GRIK4: variants seen among roughly 807,000 people sequenced by gnomAD.
GRIK4 encodes glutamate receptor ionotropic, kainate 4.
A neutral mutation model predicts 104.9 loss-of-function variants in GRIK4; 40 were observed. The ratio of observed to expected loss-of-function variants is 0.38; its 90% confidence interval spans 0.30 to 0.50. The LOEUF is 0.50. Among genes scored for constraint, GRIK4 ranks in the 20% least tolerant of loss-of-function variants. The pLI is 0.93. For missense variants in GRIK4, 1,047 were observed against 1,308.1 expected, an observed-to-expected ratio of 0.80 and a Z score of 3.08; for synonymous variants, 485 against 524.9, an observed-to-expected ratio of 0.92 and a Z score of 1.04.
intron 1 of GRIK4, chr11:120,620,383 C>T: frequency 1.8e-6 from 1 of 568,776 alleles, no homozygotes; most frequent in Non-Finnish European, 3.2e-6. Flanking sequence ...AGCCTAGTCC[C>T]CATGTACTGC....
chr11:120,882,441 C>G (rs896236886), intron 11 of GRIK4, among the ~76,000 whole-genome samples: 24 of 152,136 alleles, frequency 1.6e-4, no homozygotes, highest in African/African-American at 4.8e-4. Context: ...GAACAGACCT[C>G]CGTGGGCCAG....
Position 120,903,473 on chromosome 11 carries a change from A to C in GRIK4, c.1273-1817A>C, listed in dbSNP as rs182337644. On this transcript the variant is annotated intron_variant, in intron 12 of 20. Coordinates refer to ENST00000527524, the MANE Select transcript of GRIK4 (RefSeq NM_014619.5). The surrounding 1 kb of genome is among the most constrained non-coding windows in gnomAD (Gnocchi z 4.4). ...CCGCCCCACCCTGCCTCCACCCTGC[A>C]CTTCCTGGGCCCTTGCTCCACCAGC... is the stretch of plus-strand genomic sequence containing the variant. Among the ~76,000 whole-genome samples, 1 of 151,324 alleles carries C rather than the reference A, an allele frequency of 6.6e-6. No homozygotes were observed. Among genetic ancestry groups the C allele is most frequent in the African/African-American group, 2.4e-5 (1 of 41,184 alleles).
chr11:120,587,431 G>A (rs1948681617), intron 1 of GRIK4, among the ~76,000 whole-genome samples: 1 of 152,298 alleles, frequency 6.6e-6, no homozygotes, highest in South Asian at 2.1e-4. Context: ...GCCATTTATT[G>A]CATGTGTCAC....
chr11:120,957,071 A>C, intron 16 of GRIK4, 118 bp downstream of exon 16: 1 of 869,506 alleles, frequency 1.2e-6, no homozygotes, highest in Non-Finnish European at 1.7e-6. Context: ...CAGCAGACCC[A>C]CGCAGGAAGC....
At chr11:120,546,223 G>C (rs1447944593) in intron 1 of GRIK4, among the ~76,000 whole-genome samples, 2 of 152,190 alleles carry the variant, frequency 1.3e-5, no homozygotes, top group Non-Finnish European at 2.9e-5. Flanking sequence ...CGTTGGTGCT[G>C]CTGTTCCTGT....
chr11:120,530,881 C>T (rs964557798), intron 1 of GRIK4, among the ~76,000 whole-genome samples: 1 of 152,152 alleles, frequency 6.6e-6, no homozygotes, highest in Non-Finnish European at 1.5e-5. Flanking sequence ...GTGGACGGCA[C>T]CTGTGTCCTA....
At chr11:120,817,629 C>T (rs945474400) in intron 5 of GRIK4, among the ~76,000 whole-genome samples, 5 of 152,242 alleles carry the variant, frequency 3.3e-5, no homozygotes, top group African/African-American at 9.6e-5. Flanking sequence ...GTCCCCCACA[C>T]ACCTCCGTGA....
At chr11:120,612,679 G>A (rs553821189) in intron 1 of GRIK4, among the ~76,000 whole-genome samples, 29 of 152,342 alleles carry the variant, frequency 1.9e-4, no homozygotes, top group Non-Finnish European at 3.7e-4. Flanking sequence ...GAAGGCAAAA[G>A]ATCTCAGTTA....
intron 1 of GRIK4, among the ~76,000 whole-genome samples, chr11:120,565,234 T>C (rs1485916664): frequency 6.6e-6 from 1 of 152,226 alleles, no homozygotes; most frequent in East Asian, 1.9e-4. Flanking sequence ...CGCCACCGGC[T>C]GCTGACCTCA....
At chr11:120,634,351 C>T (rs574963506) in intron 1 of GRIK4, among the ~76,000 whole-genome samples, 10 of 152,236 alleles carry the variant, frequency 6.6e-5, no homozygotes, top group East Asian at 1.9e-4. Context: ...AAACAGGAGG[C>T]GGAGCTGGCA....
chr11:120,777,562 G>A (rs958523600), intron 3 of GRIK4, among the ~76,000 whole-genome samples: 2 of 152,260 alleles, frequency 1.3e-5, no homozygotes, highest in Non-Finnish European at 2.9e-5. Flanking sequence ...TCCCTGCCCC[G>A]GCTGTAGTGG....
At chr11:120,615,596 T>A (rs2135154706) in intron 1 of GRIK4, among the ~76,000 whole-genome samples, 1 of 152,296 alleles carries the variant, frequency 6.6e-6, no homozygotes, top group African/African-American at 2.4e-5. Context: ...CAGCTCTGGC[T>A]TGTCACTCTT....
intron 11 of GRIK4, among the ~76,000 whole-genome samples, chr11:120,880,280 A>T (rs1261138963): frequency 6.6e-6 from 1 of 152,234 alleles, no homozygotes. Flanking sequence ...CTCTACTGAC[A>T]TAGTAGCTAA....
At chr11:120,603,378 T>A (rs557380959) in intron 1 of GRIK4, among the ~76,000 whole-genome samples, 1 of 152,360 alleles carries the variant, frequency 6.6e-6, no homozygotes, top group East Asian at 1.9e-4. Context: ...AAATTGGCCA[T>A]CTTGGGTGTA....
chr11:120,574,914 A>G (rs1171423884), intron 1 of GRIK4, among the ~76,000 whole-genome samples: 2 of 152,170 alleles, frequency 1.3e-5, no homozygotes, highest in African/African-American at 2.4e-5. Context: ...AGTGACAGGA[A>G]AGGGACCCCT....
intron 19 of GRIK4, 124 bp from the exon 20 acceptor site, chr11:120,981,982 G>C: frequency 7.1e-6 from 5 of 707,514 alleles, no homozygotes; most frequent in Non-Finnish European, 1.0e-5. Context: ...GTAGATGCAT[G>C]GGTGTCTACT....
intron 1 of GRIK4, among the ~76,000 whole-genome samples, chr11:120,528,841 A>G (rs1275957434): frequency 6.6e-6 from 1 of 152,168 alleles, no homozygotes; most frequent in African/African-American, 2.4e-5. Context: ...ATGACCTCCC[A>G]CCAGTTTCCT....
intron 8 of GRIK4, among the ~76,000 whole-genome samples, chr11:120,861,100 T>TC (rs1429522112): frequency 6.2e-5 from 4 of 64,340 alleles, no homozygotes; most frequent in Non-Finnish European, 1.2e-4. Flanking sequence ...CCTCTTTTTT[T>TC]TTTTTTTTTT....
At chr11:120,531,428 C>G (rs1947922406) in intron 1 of GRIK4, among the ~76,000 whole-genome samples, 1 of 152,226 alleles carries the variant, frequency 6.6e-6, no homozygotes, top group Non-Finnish European at 1.5e-5. Context: ...GTTTCCAATG[C>G]TCTGTACATG....
Sources: gnomAD v4.1 joint callset for allele counts (sites outside exome capture counted in the v4.1 genomes callset) on GRCh38, gnomAD v4.1.1 for gene constraint, Gnocchi (gnomAD v3.1) non-coding constraint, MANE v1.5 for transcripts, NCBI Gene and HGNC (gene_info 2026-07-23, HGNC 2026-07-21) for gene names.